The following SETX variants were observed in gnomAD, a reference collection of about 807,000 sequenced individuals.
SETX encodes the protein senataxin, also known as helicase senataxin.
Under a neutral mutation model 227.2 loss-of-function variants are expected in SETX, and 90 were observed. That is an observed-to-expected ratio of 0.40 (90% CI 0.33 to 0.47). SETX has a LOEUF of 0.47. SETX is among the 20% of genes least tolerant of loss of function. SETX has a pLI of 0.91. For missense variants in SETX, 3,052 were observed against 3,181.5 expected, an observed-to-expected ratio of 0.96 and a Z score of 0.98; for synonymous variants, 1,210 against 1,113.2, an observed-to-expected ratio of 1.09 and a Z score of -1.73.
intron 15 of SETX, among the ~76,000 whole-genome samples, chr9:132,292,327 G>T (rs1844370693): frequency 6.7e-6 from 1 of 150,200 alleles, no homozygotes; most frequent in East Asian, 2.0e-4. Context: ...TACTTGGGAG[G>T]CTGAGGCAGG....
intron 5 of SETX, among the ~76,000 whole-genome samples, chr9:132,342,149 G>A (rs1169612247): frequency 6.6e-6 from 1 of 152,146 alleles, no homozygotes; most frequent in East Asian, 1.9e-4. Flanking sequence ...GAGACCTGAA[G>A]CACAGACTGT....
At chr9:132,286,053 C>G (rs1485491881) in intron 18 of SETX, among the ~76,000 whole-genome samples, 1 of 151,370 alleles carries the variant, frequency 6.6e-6, no homozygotes, top group East Asian at 1.9e-4. Flanking sequence ...CGTGGTGGCA[C>G]ACGCCTGTAA....
chr9:132,285,056 T>A (rs1843767871), intron 18 of SETX, among the ~76,000 whole-genome samples: 1 of 152,000 alleles, frequency 6.6e-6, no homozygotes, highest in African/African-American at 2.4e-5. Flanking sequence ...TTTTTTGTAT[T>A]TTATTAGAGA....
At chr9:132,307,116 G>A (rs1467288074) in intron 11 of SETX, among the ~76,000 whole-genome samples, 1 of 152,170 alleles carries the variant, frequency 6.6e-6, no homozygotes, top group African/African-American at 2.4e-5. Context: ...TTAGCTGGGT[G>A]TGGTGGTGAG....
At chr9:132,290,408 C>G (rs7036534) in intron 15 of SETX, among the ~76,000 whole-genome samples, 3 of 151,734 alleles carry the variant, frequency 2.0e-5, no homozygotes, top group Non-Finnish European at 4.4e-5. Context: ...AACGCCATCT[C>G]TACTAAAAAT....
chr9:132,278,291 G>T (rs776244791), intron 20 of SETX, 34 bp from the exon 21 acceptor site: 5 of 1,603,224 alleles, frequency 3.1e-6, no homozygotes, highest in Non-Finnish European at 2.6e-6. Context: ...CAGTTTCCAA[G>T]AATTCATTTA....
chr9:132,264,494 T>A lies in SETX; in HGVS notation c.7779A>T (p.Val2593=), dbSNP rs746182792. Residue 2593 remains valine (V), a synonymous_variant, in exon 26 of 26, where the codon GTA becomes GTT. Coordinates refer to ENST00000224140, the MANE Select transcript of SETX (RefSeq NM_015046.7). ...DLSHIQQPAA[V]VAALSSHKPP... is the part of the protein sequence containing the mutation. ...GTTTGTGGCTGCTCAGAGCAGCCAC[T>A]ACAGCAGCGGGCTGCTGTATATGGC... 1.2e-6 allele frequency: 2 copies of A among 1,613,880 alleles called. No individual in the cohort carries two copies. The highest frequency in any genetic ancestry group is 2.2e-5 in the East Asian group (1 of 44,864).
intron 24 of SETX, among the ~76,000 whole-genome samples, chr9:132,270,693 A>G (rs899713790): frequency 6.6e-6 from 1 of 152,218 alleles, no homozygotes; most frequent in African/African-American, 2.4e-5. Flanking sequence ...AATCCTAAAA[A>G]TGTGGTACCA....
intron 3 of SETX, 115 bp downstream of exon 3, chr9:132,349,137 A>C (rs547338763): frequency 1.0e-4 from 110 of 1,070,362 alleles, no homozygotes; most frequent in African/African-American, 3.7e-4. Context: ...AAAAAAAAAA[A>C]CCCACAAAGT....
At chr9:132,345,532 C>T (rs1167415486) in intron 4 of SETX, among the ~76,000 whole-genome samples, 1 of 152,116 alleles carries the variant, frequency 6.6e-6, no homozygotes, top group Admixed American at 6.5e-5. Context: ...CCTCAGCCTC[C>T]CAAAATGATG....
intron 10 of SETX, among the ~76,000 whole-genome samples, chr9:132,321,475 T>G (rs1439405994): frequency 6.6e-6 from 1 of 151,884 alleles, no homozygotes; most frequent in East Asian, 1.9e-4. Flanking sequence ...GCCAACATGG[T>G]GAAACCCCGT....
chr9:132,273,521 T>G (rs1463727137), intron 23 of SETX, among the ~76,000 whole-genome samples: 6 of 152,376 alleles, frequency 3.9e-5, no homozygotes, highest in African/African-American at 1.2e-4. Context: ...CGTACAAGTC[T>G]TATACTTCTT....
chr9:132,323,547 G>GA (rs11449882), intron 10 of SETX, among the ~76,000 whole-genome samples: 21,938 of 151,960 alleles, frequency 0.14, 2,278 homozygotes, highest in East Asian at 0.44. Flanking sequence ...CCTGAAGCAG[G>GA]AAACAGAAAC....
intron 7 of SETX, among the ~76,000 whole-genome samples, chr9:132,333,294 G>A (rs1410090561): frequency 3.3e-5 from 5 of 149,264 alleles, no homozygotes; most frequent in African/African-American, 4.9e-5. Flanking sequence ...CAGGAGAATC[G>A]CTTGAACCCA....
intron 20 of SETX, 111 bp from the exon 21 acceptor site, chr9:132,278,368 A>AT: frequency 2.0e-6 from 2 of 1,017,944 alleles, no homozygotes; most frequent in Non-Finnish European, 3.0e-6. Flanking sequence ...TTCAGGTAGC[A>AT]TAAGATTACC....
At chr9:132,270,705 C>A (rs940473852) in intron 24 of SETX, among the ~76,000 whole-genome samples, 8 of 152,112 alleles carry the variant, frequency 5.3e-5, no homozygotes, top group African/African-American at 1.7e-4. Context: ...GTGGTACCAG[C>A]CTAATCACTT....
chr9:132,278,170 T>G lies in SETX; in HGVS notation c.6742A>C (p.Arg2248=). 1 of 1,614,200 alleles carries G rather than the reference T, an allele frequency of 6.2e-7. No homozygotes were observed. The highest frequency in any genetic ancestry group is 8.5e-7 in the Non-Finnish European group (1 of 1,180,024). Residue 2248 remains arginine (R), a synonymous_variant, in exon 21 of 26, where the codon AGG becomes CGG. Transcript: ENST00000224140. The part of the protein sequence containing the change: ...EENVEHNMIS[R]LPILQLTVQY... ...ACAGTGAGCTGTAGAATGGGCAGCC[T>G]GCTGATCATGTTGTGTTCTACATTC...
At chr9:132,336,190 T>G in intron 6 of SETX, 106 bp downstream of exon 6, 2 of 904,986 alleles carry the variant, frequency 2.2e-6, no homozygotes, top group Non-Finnish European at 3.6e-6. Flanking sequence ...TTGCGGTGAG[T>G]GGAGATGGTG....
chr9:132,311,686 G>T, intron 11 of SETX, 71 bp downstream of exon 11: 3 of 1,110,382 alleles, frequency 2.7e-6, no homozygotes, highest in Non-Finnish European at 4.0e-6. Flanking sequence ...TTCAAATAAT[G>T]CTATCTCCTC....
Sources: gnomAD v4.1 joint callset for allele counts (sites outside exome capture counted in the v4.1 genomes callset) on GRCh38, gnomAD v4.1.1 for gene constraint, MANE v1.5 for transcripts, NCBI Gene and HGNC (gene_info 2026-07-23, HGNC 2026-07-21) for gene names.